Variants in CAMSAP1 observed in about 807,000 individuals in gnomAD.
CAMSAP1 encodes calmodulin regulated spectrin associated protein 1.
In CAMSAP1, 58 loss-of-function variants were observed where a neutral mutation model predicts 143.5. The observed-to-expected ratio is 0.40, with a 90% confidence interval of 0.33 to 0.50. The LOEUF is 0.50. Among genes scored for constraint, CAMSAP1 ranks in the 20% least tolerant of loss-of-function variants. CAMSAP1 has a pLI of 0.45. For synonymous variants in CAMSAP1, 945 were observed against 859.3 expected, an observed-to-expected ratio of 1.10 and a Z score of -1.74; for missense variants, 1,969 against 2,115.7, an observed-to-expected ratio of 0.93 and a Z score of 1.36.
At position 135,821,823 on chromosome 9, in the gene CAMSAP1, G is replaced by T; in HGVS notation, c.2838C>A (p.Asp946Glu). The change falls in exon 11 of 17, where the codon GAC becomes GAA. Residue 946 changes from aspartate (D) to glutamate (E), a missense_variant. This residue lies in a region of CAMSAP1 where 1,390 missense variants were observed against 1,420.8 expected (regional missense o/e 0.98). Coordinates refer to ENST00000389532, the MANE Select transcript of CAMSAP1 (RefSeq NM_015447.4). The surrounding 1 kb of genome is among the most constrained non-coding windows in gnomAD (Gnocchi z 4.6). ...CGGTTTTGGAAACAGCGTCCCCACA[G>T]TCCTCCCCGTTGTGCTGAGAGTACT... Reference protein sequence around the residue: ...AKEYSQHNGEDCGDAVSKTED... With the variant: ...AKEYSQHNGEECGDAVSKTED... The T allele has an allele frequency of 6.2e-7, 1 of 1,614,044 alleles. No individual in the cohort carries two copies. The highest frequency in any genetic ancestry group is 8.5e-7 in the Non-Finnish European group (1 of 1,179,910).
At position 135,882,925 on chromosome 9, in the gene CAMSAP1, T is replaced by G; in HGVS notation, c.314A>C (p.Gln105Pro). The change falls in exon 2 of 17, where the codon CAG becomes CCG. Residue 105 changes from glutamine (Q) to proline (P), a missense_variant. This residue lies in a region of CAMSAP1 where 215 missense variants were observed against 196.2 expected (regional missense o/e 1.10). Coordinates refer to ENST00000389532, the MANE Select transcript of CAMSAP1 (RefSeq NM_015447.4). The surrounding 1 kb of genome is among the most constrained non-coding windows in gnomAD (Gnocchi z 4.9). Reference protein sequence around the residue: ...ILKGDQVAALQGHQSVIQALS... With the variant: ...ILKGDQVAALPGHQSVIQALS... ...GGCCTGGATGACAGACTGGTGTCCCTGTAAGGCGGCCACCTGGTCCCCTTT... is the reference window on the plus strand; with the variant it reads ...GGCCTGGATGACAGACTGGTGTCCCGGTAAGGCGGCCACCTGGTCCCCTTT... 1 of 1,551,714 alleles carries G rather than the reference T, an allele frequency of 6.4e-7. No homozygotes were observed. The highest frequency in any genetic ancestry group is 8.7e-7 in the Non-Finnish European group (1 of 1,146,988).
At chr9:135,828,668 C>T (rs2131678274) in intron 7 of CAMSAP1, among the ~76,000 whole-genome samples, 1 of 152,344 alleles carries the variant, frequency 6.6e-6, no homozygotes, top group East Asian at 1.9e-4. Flanking sequence ...GGAGGGCTTC[C>T]CTCCCTGTTA....
intron 1 of CAMSAP1, among the ~76,000 whole-genome samples, chr9:135,893,322 G>C (rs1416985551): frequency 1.3e-5 from 2 of 149,558 alleles, no homozygotes; most frequent in Non-Finnish European, 3.0e-5. Context: ...AAAAGAAAAG[G>C]AGAAAGGAAA....
intron 7 of CAMSAP1, among the ~76,000 whole-genome samples, chr9:135,828,019 A>G (rs1480290168): frequency 6.6e-6 from 1 of 152,266 alleles, no homozygotes; most frequent in Admixed American, 6.5e-5. Context: ...CCAGCCAGTG[A>G]GGGACCGAGG....
chr9:135,820,120 G>A lies in CAMSAP1; in HGVS notation c.3822+719C>T, dbSNP rs1287099503. 1.9e-4 allele frequency among the ~76,000 whole-genome samples: 29 copies of A among 152,152 alleles called. No homozygotes were observed. The highest frequency in any genetic ancestry group is 2.9e-4 in the Non-Finnish European group (20 of 68,026). On this transcript the variant is annotated intron_variant, in intron 11 of 16. Transcript: ENST00000389532. The surrounding 1 kb of genome is among the most constrained non-coding windows in gnomAD (Gnocchi z 4.4). ...ACCTGGATGGCAGCGCCCCCCACAGGCCTCGGCTACATCAGCCACTGCTCC... is the reference window on the plus strand; with the variant it reads ...ACCTGGATGGCAGCGCCCCCCACAGACCTCGGCTACATCAGCCACTGCTCC...
At chr9:135,857,372 C>T (rs886849646) in intron 5 of CAMSAP1, among the ~76,000 whole-genome samples, 2 of 152,140 alleles carry the variant, frequency 1.3e-5, no homozygotes, top group Non-Finnish European at 2.9e-5. Flanking sequence ...AGTGGCTCTC[C>T]CATCTTAGCA....
chr9:135,865,254 G>A (rs910000174), intron 4 of CAMSAP1: 71 of 1,391,070 alleles, frequency 5.1e-5, no homozygotes, highest in South Asian at 2.4e-4. Context: ...TTTTGGGTGC[G>A]AGCAGTTTTT....
At chr9:135,843,599 C>T (rs1836440757) in intron 7 of CAMSAP1, among the ~76,000 whole-genome samples, 1 of 151,766 alleles carries the variant, frequency 6.6e-6, no homozygotes, top group African/African-American at 2.4e-5. Flanking sequence ...TGGCAGGGCG[C>T]AGTGGTTCAT....
intron 1 of CAMSAP1, among the ~76,000 whole-genome samples, chr9:135,906,752 A>G (rs1838792286): frequency 6.6e-6 from 1 of 151,734 alleles, no homozygotes; most frequent in African/African-American, 2.4e-5. Context: ...CTCCCGAAAT[A>G]GGAGCGGAAG....
At chr9:135,901,663 C>T (rs796712221) in intron 1 of CAMSAP1, among the ~76,000 whole-genome samples, 12 of 152,146 alleles carry the variant, frequency 7.9e-5, no homozygotes, top group African/African-American at 2.9e-4. Context: ...TCCAGCCTAA[C>T]GACATCAACT....
At chr9:135,823,354 G>A in intron 10 of CAMSAP1, 94 bp from the exon 11 acceptor site, 3 of 1,346,832 alleles carry the variant, frequency 2.2e-6, no homozygotes, top group South Asian at 1.6e-5. Flanking sequence ...CACACAAAGA[G>A]AATACGCCTC....
intron 10 of CAMSAP1, among the ~76,000 whole-genome samples, 170 bp downstream of exon 10, chr9:135,823,780 G>A (rs375202413): frequency 7.9e-5 from 12 of 152,022 alleles, no homozygotes; most frequent in African/African-American, 2.9e-4. Context: ...CAAGAGTGAG[G>A]CTGCAGAGAG....
intron 1 of CAMSAP1, among the ~76,000 whole-genome samples, chr9:135,897,429 C>T (rs979956232): frequency 2.6e-5 from 4 of 152,104 alleles, no homozygotes; most frequent in Admixed American, 6.5e-5. Context: ...GCTTGGATTA[C>T]GGGTGTGAAC....
chr9:135,831,525 C>T (rs146552293), intron 7 of CAMSAP1, among the ~76,000 whole-genome samples: 79 of 149,478 alleles, frequency 5.3e-4, no homozygotes, highest in Non-Finnish European at 9.6e-4. Flanking sequence ...CTTCCATTAA[C>T]GAAGAAGCAG....
intron 7 of CAMSAP1, among the ~76,000 whole-genome samples, chr9:135,838,448 C>T (rs111629989): frequency 0.012 from 1,654 of 138,106 alleles, 45 homozygotes; most frequent in African/African-American, 0.042. Flanking sequence ...CACATCATCA[C>T]GCACTTTCCA....
intron 1 of CAMSAP1, among the ~76,000 whole-genome samples, chr9:135,894,186 A>C (rs560824970): frequency 6.6e-6 from 1 of 151,804 alleles, no homozygotes; most frequent in Non-Finnish European, 1.5e-5. Flanking sequence ...GCCCAGAAGC[A>C]CTCTCCTTCC....
chr9:135,896,721 G>C (rs1406971451), intron 1 of CAMSAP1, among the ~76,000 whole-genome samples: 1 of 152,230 alleles, frequency 6.6e-6, no homozygotes, highest in Non-Finnish European at 1.5e-5. Flanking sequence ...CTGAACACTT[G>C]AAAATTAAAA....
At chr9:135,837,689 T>C (rs112754026) in intron 7 of CAMSAP1, among the ~76,000 whole-genome samples, 2,112 of 147,036 alleles carry the variant, frequency 0.014, 63 homozygotes, top group African/African-American at 0.052. Flanking sequence ...CTACCCATTC[T>C]AGAGACACAC....
chr9:135,849,253 A>C (rs1836684584), intron 7 of CAMSAP1, among the ~76,000 whole-genome samples: 1 of 152,228 alleles, frequency 6.6e-6, no homozygotes, highest in Non-Finnish European at 1.5e-5. Flanking sequence ...TAAAGTGCTG[A>C]GTATCTCGTG....
Sources: allele counts gnomAD v4.1 joint callset (sites outside exome capture counted in the v4.1 genomes callset), GRCh38; gene constraint gnomAD v4.1.1; regional missense constraint gnomAD v4.1.1; non-coding constraint Gnocchi (gnomAD v3.1); transcripts MANE v1.5; gene names NCBI Gene and HGNC (gene_info 2026-07-23, HGNC 2026-07-21).